Variants in CSMD1 observed in about 807,000 individuals in gnomAD.
The protein encoded by CSMD1 is CUB and sushi domain-containing protein 1.
CSMD1 carries 213 observed loss-of-function variants against 417.5 expected under a neutral mutation model. The observed-to-expected ratio is 0.51, with a 90% confidence interval of 0.46 to 0.57. The LOEUF (loss-of-function observed/expected upper bound fraction) is 0.57. Among genes scored for constraint, CSMD1 ranks in the 20% least tolerant of loss-of-function variants. The pLI is 0.00. For missense variants in CSMD1, 6,923 were observed against 4,529.7 expected, an observed-to-expected ratio of 1.53 and a Z score of -15.17; for synonymous variants, 2,862 against 1,736.8, an observed-to-expected ratio of 1.65 and a Z score of -16.11.
chr8:3,943,892 C>T (rs558399268), intron 5 of CSMD1, among the ~76,000 whole-genome samples: 1 of 152,088 alleles, frequency 6.6e-6, no homozygotes, highest in African/African-American at 2.4e-5. Flanking sequence ...CAGCTAAATG[C>T]AACCTGTGAT....
intron 3 of CSMD1, among the ~76,000 whole-genome samples, chr8:4,108,918 CA>C (rs1339110627): frequency 6.6e-6 from 1 of 152,136 alleles, no homozygotes; most frequent in Non-Finnish European, 1.5e-5. Context: ...AAAACTGTGA[CA>C]AAAAATTCCA....
chr8:4,108,802 C>A (rs1043206515), intron 3 of CSMD1, among the ~76,000 whole-genome samples: 4 of 151,990 alleles, frequency 2.6e-5, no homozygotes, highest in African/African-American at 9.7e-5. Flanking sequence ...AGCACAAGCT[C>A]CTAAGTAGCA....
At chr8:4,407,717 G>T (rs988987271) in intron 3 of CSMD1, among the ~76,000 whole-genome samples, 7 of 152,152 alleles carry the variant, frequency 4.6e-5, no homozygotes, top group African/African-American at 1.7e-4. Flanking sequence ...AATAGCTGTA[G>T]TTTTTCCATG....
At chr8:4,959,360 G>T (rs1730582393) in intron 1 of CSMD1, among the ~76,000 whole-genome samples, 1 of 152,172 alleles carries the variant, frequency 6.6e-6, no homozygotes, top group South Asian at 2.1e-4. Context: ...CGCATGTCAG[G>T]TGGCAATCCC....
intron 1 of CSMD1, among the ~76,000 whole-genome samples, chr8:4,939,183 A>T (rs77662371): frequency 0.029 from 4,486 of 152,288 alleles, 214 homozygotes; most frequent in African/African-American, 0.1. Context: ...GGGAAAAGAA[A>T]ATCCACGTAC....
rs17070334 is a variant in CSMD1, at chr8:4,458,897, G to A, written c.303-38832C>T. Among the ~76,000 whole-genome samples the A allele has an allele frequency of 6.5e-3, 984 of 152,260 alleles. 7 individuals are homozygous for A. The highest frequency in any genetic ancestry group is 0.023 in the African/African-American group (935 of 41,544). On this transcript the variant is annotated intron_variant, in intron 2 of 69. Transcript: ENST00000635120. ...CCACAGTGAAACAAGCACAATGGGT[G>A]GAGAATGTATTAAAAATATTTAAGT...
intron 41 of CSMD1, among the ~76,000 whole-genome samples, chr8:3,121,187 A>G (rs1020833138): frequency 2.0e-5 from 3 of 152,102 alleles, no homozygotes; most frequent in African/African-American, 7.2e-5. Flanking sequence ...ATTTATTTAT[A>G]TTTTCAGTAT....
intron 10 of CSMD1, among the ~76,000 whole-genome samples, chr8:3,531,671 C>T (rs956854596): frequency 2.6e-5 from 4 of 152,120 alleles, no homozygotes; most frequent in Non-Finnish European, 5.9e-5. Flanking sequence ...ACTATTTATG[C>T]AGATAATGAG....
chr8:4,649,640 G>C lies in CSMD1; in HGVS notation c.86-12082C>G, dbSNP rs79819081. ...GCAAAGGCCAATTTTTTAATTTTAA[G>C]AACTCTTCTACTCCTCTTTATAAGA... On this transcript the variant is annotated intron_variant, in intron 1 of 69. Transcript: ENST00000635120. 8.0e-3 allele frequency among the ~76,000 whole-genome samples: 1,216 copies of C among 152,192 alleles called. 11 individuals are homozygous for C. Among genetic ancestry groups the C allele is most frequent in the African/African-American group, 0.018 (737 of 41,524 alleles).
At chr8:3,409,368 C>A (rs1812538170) in intron 13 of CSMD1, 55 bp downstream of exon 13, 8 of 1,438,026 alleles carry the variant, frequency 5.6e-6, no homozygotes, top group Non-Finnish European at 7.5e-6. Flanking sequence ...CCTTTTCTCC[C>A]CTTGCAAGAT....
chr8:3,498,277 C>A (rs1184629550), intron 10 of CSMD1, among the ~76,000 whole-genome samples: 1 of 152,100 alleles, frequency 6.6e-6, no homozygotes, highest in Non-Finnish European at 1.5e-5. Flanking sequence ...ATTGCTATAT[C>A]AAGGTGTGGA....
At chr8:3,521,201 C>G (rs1485353761) in intron 10 of CSMD1, among the ~76,000 whole-genome samples, 1 of 152,202 alleles carries the variant, frequency 6.6e-6, no homozygotes, top group Non-Finnish European at 1.5e-5. Flanking sequence ...ACACCCACCA[C>G]CCTTGCTTAA....
intron 6 of CSMD1, among the ~76,000 whole-genome samples, chr8:3,710,959 C>G (rs1801474799): frequency 6.6e-6 from 1 of 152,120 alleles, no homozygotes; most frequent in Non-Finnish European, 1.5e-5. Flanking sequence ...GATCCCGAAG[C>G]AATGCCGCCA....
intron 2 of CSMD1, among the ~76,000 whole-genome samples, chr8:4,609,672 G>A (rs775024252): frequency 5.3e-5 from 8 of 152,110 alleles, no homozygotes; most frequent in Non-Finnish European, 7.3e-5. Context: ...AAGATTTTAC[G>A]CTGCAGATTG....
intron 49 of CSMD1, among the ~76,000 whole-genome samples, chr8:3,072,816 G>GTA (rs1273857740): frequency 2.0e-5 from 3 of 152,206 alleles, no homozygotes; most frequent in East Asian, 1.9e-4. Flanking sequence ...ACTGGTCGAT[G>GTA]TATATATATA....
At chr8:4,239,477 C>T (rs985881472) in intron 3 of CSMD1, among the ~76,000 whole-genome samples, 1 of 152,150 alleles carries the variant, frequency 6.6e-6, no homozygotes, top group African/African-American at 2.4e-5. Context: ...AGATGTAGCA[C>T]CCTCAGATCA....
intron 18 of CSMD1, among the ~76,000 whole-genome samples, chr8:3,382,737 G>A (rs1810717339): frequency 6.6e-6 from 1 of 151,164 alleles, no homozygotes; most frequent in South Asian, 2.1e-4. Flanking sequence ...CAGTAGCAGA[G>A]TATGATTATT....
chr8:4,370,828 A>G (rs564783587), intron 3 of CSMD1, among the ~76,000 whole-genome samples: 1 of 152,198 alleles, frequency 6.6e-6, no homozygotes, highest in Admixed American at 6.5e-5. Flanking sequence ...CAACTCTTAG[A>G]TCATTTTATT....
chr8:3,627,558 G>C (rs933711270), intron 7 of CSMD1, among the ~76,000 whole-genome samples: 1 of 152,128 alleles, frequency 6.6e-6, no homozygotes, highest in Non-Finnish European at 1.5e-5. Flanking sequence ...ATTACTTACA[G>C]GTATCTGTAA....
Sources: gnomAD v4.1 joint callset for allele counts (sites outside exome capture counted in the v4.1 genomes callset) on GRCh38, gnomAD v4.1.1 for gene constraint, MANE v1.5 for transcripts, NCBI Gene and HGNC (gene_info 2026-07-23, HGNC 2026-07-21) for gene names.